ST7L: variants seen among roughly 807,000 people sequenced by gnomAD.
ST7L encodes suppression of tumorigenicity 7 like.
ST7L carries 57 observed loss-of-function variants against 72.5 expected under a neutral mutation model. The observed-to-expected ratio is 0.79, with a 90% CI of 0.64 to 0.98. The LOEUF (loss-of-function observed/expected upper bound fraction) is 0.98, where lower values mean the gene tolerates loss of function less well. Ranked by LOEUF, ST7L falls within the 50% of genes least tolerant of loss-of-function variation. ST7L has a pLI of 0.00. For missense variants in ST7L, 576 were observed against 672.2 expected (o/e 0.86, Z 1.58); for synonymous variants, 221 against 240.9 (o/e 0.92, Z 0.77).
chr1:112,574,261 G>A (rs1662684769), intron 11 of ST7L, among the ~76,000 whole-genome samples: 1 of 145,796 alleles, frequency 6.9e-6, no homozygotes. Flanking sequence ...CTGTCACCCA[G>A]GCTGCGGTGT....
At chr1:112,558,685 G>A (rs1400585681) in intron 11 of ST7L, among the ~76,000 whole-genome samples, 2 of 152,242 alleles carry the variant, frequency 1.3e-5, no homozygotes, top group Admixed American at 6.5e-5. Context: ...TTAAAGGAAT[G>A]CAGTAGAGGT....
chr1:112,576,436 G>C (rs1663121339), intron 11 of ST7L, among the ~76,000 whole-genome samples: 1 of 152,070 alleles, frequency 6.6e-6, no homozygotes, highest in African/African-American at 2.4e-5. Context: ...CAAAGATTAA[G>C]CAATAATTTG....
chr1:112,519,056 A>C (rs1652715983), downstream of ST7L, among the ~76,000 whole-genome samples: 4 of 152,198 alleles, frequency 2.6e-5, no homozygotes, highest in Non-Finnish European at 4.4e-5. Context: ...ACAGCTCCAC[A>C]GTGTAGAAGG....
chr1:112,546,885 G>A (rs1358128760), intron 13 of ST7L, among the ~76,000 whole-genome samples: 1 of 151,496 alleles, frequency 6.6e-6, no homozygotes, highest in African/African-American at 2.4e-5. Flanking sequence ...TTTAGAGAGA[G>A]GAAAATATAG....
chr1:112,606,878 C>A (rs1668332510), intron 3 of ST7L, among the ~76,000 whole-genome samples: 1 of 152,152 alleles, frequency 6.6e-6, no homozygotes, highest in African/African-American at 2.4e-5. Flanking sequence ...AGATTAGGAT[C>A]CCCTCATTTA....
intron 14 of ST7L, chr1:112,527,712 ACTT>A (rs1440541729): frequency 6.6e-6 from 1 of 152,540 alleles, no homozygotes; most frequent in Non-Finnish European, 1.5e-5. Context: ...TCTCACATCT[ACTT>A]CTTGAAGGTG....
downstream of ST7L, chr1:112,520,176 C>T: frequency 1.7e-6 from 2 of 1,210,390 alleles, no homozygotes; most frequent in Non-Finnish European, 2.3e-6. Context: ...GTGCCCAGCC[C>T]AAAAAAGCGA....
chr1:112,576,598 A>G (rs1663141173), intron 11 of ST7L, among the ~76,000 whole-genome samples: 1 of 152,150 alleles, frequency 6.6e-6, no homozygotes, highest in African/African-American at 2.4e-5. Flanking sequence ...TGTCTACCCA[A>G]CCCTAGTTCA....
chr1:112,600,280 C>T (rs948920524), intron 4 of ST7L, among the ~76,000 whole-genome samples: 27 of 152,062 alleles, frequency 1.8e-4, no homozygotes, highest in Admixed American at 5.2e-4. Flanking sequence ...TCAAGTGATC[C>T]GCCCACCTTG....
At chr1:112,597,239 A>G (rs1386676656) in intron 5 of ST7L, among the ~76,000 whole-genome samples, 1 of 152,242 alleles carries the variant, frequency 6.6e-6, no homozygotes, top group Non-Finnish European at 1.5e-5. Flanking sequence ...TGTGACTTTC[A>G]ATTTGGATAA....
At chr1:112,611,430 G>A (rs1434088460) in intron 2 of ST7L, among the ~76,000 whole-genome samples, 1 of 152,208 alleles carries the variant, frequency 6.6e-6, no homozygotes, top group African/African-American at 2.4e-5. Context: ...TTAGCTGTGT[G>A]CTGTGGGCAA....
intron 2 of ST7L, among the ~76,000 whole-genome samples, chr1:112,615,058 G>A (rs1455709831): frequency 6.6e-6 from 1 of 152,052 alleles, no homozygotes; most frequent in Non-Finnish European, 1.5e-5. Flanking sequence ...AGAGTGCAGT[G>A]GCACCATCTT....
At chr1:112,530,476 G>A (rs569712718) in intron 14 of ST7L, among the ~76,000 whole-genome samples, 5 of 152,080 alleles carry the variant, frequency 3.3e-5, no homozygotes, top group South Asian at 2.1e-4. Context: ...GTGCAGTGGC[G>A]TGATCTTGGC....
chr1:112,606,079 A>C (rs1570609291), intron 3 of ST7L, among the ~76,000 whole-genome samples: 1 of 152,118 alleles, frequency 6.6e-6, no homozygotes, highest in East Asian at 1.9e-4. Flanking sequence ...TGCTCGTGTA[A>C]ACTCAATTCT....
intron 6 of ST7L, among the ~76,000 whole-genome samples, chr1:112,585,590 G>T (rs12045227): frequency 6.6e-6 from 1 of 151,944 alleles, no homozygotes; most frequent in Admixed American, 6.6e-5. Context: ...AAAATTAGCT[G>T]GGCGCAGTGG....
chr1:112,555,973 G>A lies in ST7L; in HGVS notation c.1291C>T (p.Leu431=). 1 of 1,611,484 alleles carries A rather than the reference G, an allele frequency of 6.2e-7. No homozygotes were observed. The highest frequency in any genetic ancestry group is 8.5e-7 in the Non-Finnish European group (1 of 1,178,490). ...KSLILPPEHI[L]KRGDSEAIAY... ...ATTGCTTCACTATCACCCCGTTTCA[G>A]AATGTGTTCTGGAGGTAAAATTAAA... is the stretch of plus-strand genomic sequence containing the variant. The change falls in exon 12 of 15, where the codon CTG becomes TTG. Residue 431 remains leucine (L), a synonymous_variant. Transcript: ENST00000358039.
chr1:112,611,942 C>T (rs1215278617), intron 2 of ST7L, among the ~76,000 whole-genome samples: 1 of 135,068 alleles, frequency 7.4e-6, no homozygotes, highest in Non-Finnish European at 1.5e-5. Flanking sequence ...TGCCCTCCAG[C>T]CTGGGCAATA....
At chr1:112,519,013 C>T (rs1652713364), downstream of ST7L, among the ~76,000 whole-genome samples, 2 of 152,052 alleles carry the variant, frequency 1.3e-5, no homozygotes, top group South Asian at 4.2e-4. Flanking sequence ...TGTAAAAGAC[C>T]ATATGTGACT....
chr1:112,550,290 G>A (rs1023858347), intron 13 of ST7L, among the ~76,000 whole-genome samples: 1 of 152,146 alleles, frequency 6.6e-6, no homozygotes, highest in African/African-American at 2.4e-5. Context: ...ATGATTTGGG[G>A]AGTATTCCTT....
Sources: allele counts gnomAD v4.1 joint callset (sites outside exome capture counted in the v4.1 genomes callset), GRCh38; gene constraint gnomAD v4.1.1; transcripts MANE v1.5; gene names NCBI Gene and HGNC (gene_info 2026-07-23, HGNC 2026-07-21).